Variants in CSMD1 observed in about 807,000 individuals in gnomAD.
CSMD1 encodes the protein CUB and Sushi multiple domains 1.
CSMD1 carries 213 observed loss-of-function variants against 417.5 expected under a neutral mutation model. The ratio of observed to expected loss-of-function variants is 0.51; its 90% confidence interval spans 0.46 to 0.57. CSMD1 has a LOEUF of 0.57. CSMD1 is among the 20% of genes least tolerant of loss of function. CSMD1 has a pLI of 0.00. For missense variants in CSMD1, 6,923 were observed against 4,529.7 expected, an observed-to-expected ratio of 1.53 and a Z score of -15.17; for synonymous variants, 2,862 against 1,736.8, an observed-to-expected ratio of 1.65 and a Z score of -16.11.
At chr8:3,570,454 T>C (rs1318699524) in intron 10 of CSMD1, among the ~76,000 whole-genome samples, 1 of 152,194 alleles carries the variant, frequency 6.6e-6, no homozygotes, top group Non-Finnish European at 1.5e-5. Context: ...CTTCCATCTC[T>C]AGCCAAACAT....
chr8:3,539,290 C>G (rs1259205207), intron 10 of CSMD1, among the ~76,000 whole-genome samples: 1 of 152,168 alleles, frequency 6.6e-6, no homozygotes, highest in East Asian at 1.9e-4. Flanking sequence ...TTGTCTTCCC[C>G]CTACTGCCTA....
intron 20 of CSMD1, among the ~76,000 whole-genome samples, chr8:3,363,485 T>A (rs1468026035): frequency 6.6e-6 from 1 of 151,596 alleles, no homozygotes; most frequent in East Asian, 2.0e-4. Context: ...ACAGGAGGAG[T>A]TTTGCCTGGT....
At chr8:3,735,560 A>G (rs2129048849) in intron 6 of CSMD1, among the ~76,000 whole-genome samples, 1 of 152,342 alleles carries the variant, frequency 6.6e-6, no homozygotes, top group East Asian at 1.9e-4. Context: ...TTTAGAAAAT[A>G]TGAGTCAGCA....
chr8:4,929,616 A>C (rs752867118), intron 1 of CSMD1, among the ~76,000 whole-genome samples: 4 of 152,286 alleles, frequency 2.6e-5, no homozygotes, highest in African/African-American at 9.6e-5. Context: ...TGATTTCATC[A>C]TTTGTCACCA....
intron 23 of CSMD1, among the ~76,000 whole-genome samples, chr8:3,333,818 G>A (rs1195387653): frequency 2.0e-5 from 3 of 152,164 alleles, no homozygotes; most frequent in Non-Finnish European, 4.4e-5. Flanking sequence ...GGCAGTGAAT[G>A]CTATTCTTTG....
At chr8:4,572,020 C>T (rs1275267919) in intron 2 of CSMD1, among the ~76,000 whole-genome samples, 1 of 152,062 alleles carries the variant, frequency 6.6e-6, no homozygotes. Flanking sequence ...TGTGTCTTCG[C>T]ACATGAGTCT....
chr8:4,420,472 C>G (rs146850118), intron 2 of CSMD1, among the ~76,000 whole-genome samples: 3 of 151,936 alleles, frequency 2.0e-5, no homozygotes, highest in Non-Finnish European at 4.4e-5. Context: ...ACCTCTCAAC[C>G]CATCACGTCG....
chr8:2,992,184 C>T (rs542795385), intron 54 of CSMD1, among the ~76,000 whole-genome samples: 3 of 89,664 alleles, frequency 3.3e-5, no homozygotes, highest in South Asian at 4.8e-4. Context: ...CACATGAACA[C>T]ACACATGCAC....
At chr8:4,286,927 T>C (rs908848736) in intron 3 of CSMD1, among the ~76,000 whole-genome samples, 9 of 152,194 alleles carry the variant, frequency 5.9e-5, no homozygotes, top group Middle Eastern at 3.2e-3. Context: ...AGTTTTGTTA[T>C]TGGATAGGAG....
intron 3 of CSMD1, among the ~76,000 whole-genome samples, chr8:4,402,985 A>G (rs991449467): frequency 4.0e-5 from 6 of 151,306 alleles, no homozygotes; most frequent in South Asian, 2.1e-4. Flanking sequence ...ATGCCTGGCT[A>G]ATTTTCTTTT....
intron 3 of CSMD1, among the ~76,000 whole-genome samples, chr8:4,278,962 C>A (rs1274613989): frequency 6.6e-6 from 1 of 152,166 alleles, no homozygotes; most frequent in African/African-American, 2.4e-5. Context: ...AACATTATGT[C>A]CATATATGAA....
intron 8 of CSMD1, among the ~76,000 whole-genome samples, chr8:3,588,499 G>C (rs1037446532): frequency 6.6e-6 from 1 of 152,116 alleles, no homozygotes; most frequent in Non-Finnish European, 1.5e-5. Flanking sequence ...GATGGGGGAA[G>C]CATTGCTTCA....
chr8:4,117,487 G>A (rs1299172122), intron 3 of CSMD1, among the ~76,000 whole-genome samples: 1 of 152,126 alleles, frequency 6.6e-6, no homozygotes, highest in East Asian at 1.9e-4. Flanking sequence ...TGCACTCAAT[G>A]TGCTATAAAT....
intron 3 of CSMD1, among the ~76,000 whole-genome samples, chr8:4,362,360 C>A (rs1456246370): frequency 6.6e-6 from 1 of 152,042 alleles, no homozygotes; most frequent in Non-Finnish European, 1.5e-5. Flanking sequence ...CTGTCTGCCC[C>A]CTGCACTCAT....
intron 1 of CSMD1, among the ~76,000 whole-genome samples, chr8:4,898,777 G>A (rs187338912): frequency 6.6e-6 from 1 of 152,128 alleles, no homozygotes; most frequent in Non-Finnish European, 1.5e-5. Flanking sequence ...GCGGGGGGAA[G>A]TGAAATGAAA....
chr8:4,874,190 A>T (rs957747053), intron 1 of CSMD1, among the ~76,000 whole-genome samples: 1 of 152,108 alleles, frequency 6.6e-6, no homozygotes, highest in East Asian at 1.9e-4. Context: ...ATGAACAATG[A>T]ACATGTGTGA....
chr8:3,417,902 C>G (rs1279640438), intron 12 of CSMD1, among the ~76,000 whole-genome samples: 1 of 152,176 alleles, frequency 6.6e-6, no homozygotes, highest in Non-Finnish European at 1.5e-5. Context: ...TTACTGAAAA[C>G]CATATGACAC....
chr8:3,838,432 G>A (rs917607644), intron 5 of CSMD1, among the ~76,000 whole-genome samples: 12 of 149,504 alleles, frequency 8.0e-5, no homozygotes, highest in African/African-American at 3.0e-4. Flanking sequence ...TATAGAGGGA[G>A]TGTAAGAGTA....
intron 11 of CSMD1, chr8:3,469,151 G>C (rs1232921889): frequency 1.4e-5 from 3 of 207,714 alleles, no homozygotes; most frequent in Admixed American, 5.7e-5. Flanking sequence ...AACTGGGACA[G>C]TCCTGGAAAA....
Sources: gnomAD v4.1 joint callset for allele counts (sites outside exome capture counted in the v4.1 genomes callset) on GRCh38, gnomAD v4.1.1 for gene constraint, MANE v1.5 for transcripts, NCBI Gene and HGNC (gene_info 2026-07-23, HGNC 2026-07-21) for gene names.